IVNS1ABP: variants seen among roughly 807,000 people sequenced by gnomAD.
IVNS1ABP encodes the protein influenza virus NS1A binding protein, also known as influenza virus NS1A-binding protein.
In IVNS1ABP, 25 loss-of-function variants were observed where a neutral mutation model predicts 78.9. The ratio of observed to expected loss-of-function variants is 0.32; its 90% confidence interval spans 0.23 to 0.44. The LOEUF (loss-of-function observed/expected upper bound fraction) is 0.44. Among genes scored for constraint, IVNS1ABP ranks in the 20% least tolerant of loss-of-function variants. The pLI, the probability that IVNS1ABP is intolerant of heterozygous loss-of-function variation, is 1.00. For synonymous variants in IVNS1ABP, 241 were observed against 259.7 expected (o/e 0.93, Z 0.69); for missense variants, 494 against 768.9 (o/e 0.64, Z 4.23).
chr1:185,305,669 T>C lies in IVNS1ABP; in HGVS notation c.658-26A>G. ...CTGCAAAACAGCAACAGAACACCCA[T>C]GTGGCTACGGTCACCATGGCTACTC... is the stretch of plus-strand genomic sequence containing the variant. On this transcript the variant is annotated intron_variant, in intron 7 of 14. Coordinates refer to ENST00000367498, the MANE Select transcript of IVNS1ABP (RefSeq NM_006469.5). The surrounding 1 kb of genome is among the most constrained non-coding windows in gnomAD (Gnocchi z 4.0). The C allele has an allele frequency of 6.2e-7, 1 of 1,612,088 alleles. No homozygotes were observed. Among genetic ancestry groups the C allele is most frequent in the Non-Finnish European group, 8.5e-7 (1 of 1,178,990 alleles).
intron 5 of IVNS1ABP, 95 bp from the exon 6 acceptor site, chr1:185,307,757 A>G (rs1270727419): frequency 2.2e-6 from 3 of 1,337,802 alleles, no homozygotes; most frequent in Non-Finnish European, 2.0e-6. Context: ...GAAGATACAA[A>G]GAATCAAAAA....
At position 185,297,987 on chromosome 1, in the gene IVNS1ABP, C is replaced by A. The variant is rs774410739; in HGVS notation, c.*48G>T. The A allele has an allele frequency of 6.3e-7, 1 of 1,583,780 alleles. No individual in the cohort carries two copies. The highest frequency in any genetic ancestry group is 1.3e-5 in the African/African-American group (1 of 74,190). ...TTATTCACAAGTGTACCTCTACTAACCATAATTACATCACTAAGCCTGTTA... is the reference window on the plus strand; with the variant it reads ...TTATTCACAAGTGTACCTCTACTAAACATAATTACATCACTAAGCCTGTTA... On this transcript the variant is annotated 3_prime_UTR_variant, in exon 15 of 15. Coordinates refer to ENST00000367498, the MANE Select transcript of IVNS1ABP (RefSeq NM_006469.5).
rs1665436343 is a variant in IVNS1ABP at position 185,297,000 on chromosome 1, C to T, written c.*1035G>A. 1 of 152,110 alleles carries T rather than the reference C, an allele frequency of 6.6e-6. No homozygotes were observed. The highest frequency in any genetic ancestry group is 1.5e-5 in the Non-Finnish European group (1 of 68,006). 9.4% of individuals were successfully genotyped at this position (152,110 alleles called of 1,614,324 possible). ...CATAAGTTAGGTGTGTAGCACTACACATTAGACACCAAGTCATCCCAACCA... is the reference window on the plus strand; with the variant it reads ...CATAAGTTAGGTGTGTAGCACTACATATTAGACACCAAGTCATCCCAACCA... On this transcript the variant is annotated 3_prime_UTR_variant, in exon 15 of 15. Coordinates refer to ENST00000367498, the MANE Select transcript of IVNS1ABP (RefSeq NM_006469.5).
At chr1:185,299,559 G>C in intron 14 of IVNS1ABP, 151 bp downstream of exon 14, 1 of 727,040 alleles carries the variant, frequency 1.4e-6, no homozygotes, top group Non-Finnish European at 2.4e-6. Flanking sequence ...ATTTCTAAAG[G>C]ACAAATCACC....
Position 185,297,759 on chromosome 1 carries a change from TTGAAA to T in IVNS1ABP, c.*271_*275del. The T allele has an allele frequency of 4.7e-6, 2 of 425,620 alleles. No individual in the cohort carries two copies. Among genetic ancestry groups the T allele is most frequent in the Non-Finnish European group, 8.4e-6 (2 of 238,752 alleles). 26.4% of individuals were successfully genotyped at this position (425,620 alleles called of 1,614,324 possible). On this transcript the variant is annotated 3_prime_UTR_variant, in exon 15 of 15. Transcript: ENST00000367498. Reference sequence around the variant, plus strand: ...ACAAATGTGGAGGAGAGGGGACTTCTTGAAATGATGTGCCCAATCAATTCTTGGTT... The same window carrying T: ...ACAAATGTGGAGGAGAGGGGACTTCTTGATGTGCCCAATCAATTCTTGGTT...
chr1:185,299,998 C>G lies in IVNS1ABP; in HGVS notation c.1501+1G>C. 6.2e-7 allele frequency: 1 copy of G among 1,605,694 alleles called. No individual in the cohort carries two copies. Among genetic ancestry groups the G allele is most frequent in the Non-Finnish European group, 8.5e-7 (1 of 1,177,636 alleles). On this transcript the variant is annotated splice_donor_variant, in intron 13 of 14. Transcript: ENST00000367498. LOFTEE classifies it high-confidence loss of function. ...AAAAAAAGGAAAAAAAATCAACTTA[C>G]GAATGTTAAGAGGGGCACAGCTTGT...
chr1:185,310,663 C>T (rs1299218158), intron 2 of IVNS1ABP, among the ~76,000 whole-genome samples: 1 of 151,234 alleles, frequency 6.6e-6, no homozygotes, highest in Non-Finnish European at 1.5e-5. Context: ...TTGCTTGAGC[C>T]CAGGAGTTTG....
At chr1:185,306,928 T>C (rs1553273414) in intron 7 of IVNS1ABP, 86 bp downstream of exon 7, 5 of 1,462,288 alleles carry the variant, frequency 3.4e-6, no homozygotes, top group Non-Finnish European at 4.7e-6. Flanking sequence ...GGGTCATGGT[T>C]ATAAAATAAA....
At chr1:185,315,830 T>C (rs1666002294) in intron 1 of IVNS1ABP, among the ~76,000 whole-genome samples, 1 of 152,034 alleles carries the variant, frequency 6.6e-6, no homozygotes, top group Non-Finnish European at 1.5e-5. Context: ...GCTTCCAGAG[T>C]TGTCATCTAT....
chr1:185,300,411 T>C, intron 11 of IVNS1ABP, 26 bp downstream of exon 11: 7 of 1,613,140 alleles, frequency 4.3e-6, no homozygotes, highest in Non-Finnish European at 5.9e-6. Context: ...TAAATAGGGG[T>C]TGCTCCTGCA....
intron 8 of IVNS1ABP, 92 bp from the exon 9 acceptor site, chr1:185,301,655 T>C: frequency 7.2e-7 from 1 of 1,386,140 alleles, no homozygotes; most frequent in Non-Finnish European, 1.0e-6. Flanking sequence ...CTGAGTATCC[T>C]TCACCTATAT....
At chr1:185,314,105 A>G (rs1161442709) in intron 1 of IVNS1ABP, among the ~76,000 whole-genome samples, 4 of 152,196 alleles carry the variant, frequency 2.6e-5, no homozygotes, top group African/African-American at 4.8e-5. Flanking sequence ...CCAAGTAGCC[A>G]TCAGCTGCAT....
rs77209617 is a variant in IVNS1ABP at position 185,305,066 on chromosome 1, A to T, written c.765+470T>A. Among the ~76,000 whole-genome samples, 6,545 of 152,202 alleles carry T rather than the reference A, an allele frequency of 0.043. 449 individuals are homozygous for T. The highest frequency in any genetic ancestry group is 0.15 in the African/African-American group (6,162 of 41,498). ...ATCAGGTTTTAACATATGATCCACC[A>T]CTTTTAGACTTATTACATTGTATAG... On this transcript the variant is annotated intron_variant, in intron 8 of 14. Coordinates refer to ENST00000367498, the MANE Select transcript of IVNS1ABP (RefSeq NM_006469.5). This position sits in a 1 kb window ranked among gnomAD's most constrained non-coding sequence, Gnocchi z 4.0.
rs748836457 is a variant in IVNS1ABP, at chr1:185,300,255, A to G, written c.1331T>C (p.Ile444Thr). 26 of 1,613,264 alleles carry G rather than the reference A, an allele frequency of 1.6e-5. No individual in the cohort carries two copies. In the South Asian group the frequency reaches 2.7e-4, roughly 17 times the overall value. ...EMYDSNIDDW[I>T]PVPELRTNRC... ...GTTAGTTCTCAATTCTGGAACAGGA[A>G]TCCAGTCATCTATGTTTGAATCATA... The change falls in exon 12 of 15, where the codon ATT becomes ACT. Residue 444 changes from isoleucine to threonine, a missense_variant. Transcript: ENST00000367498.
In IVNS1ABP at chr1:185,308,987, C is replaced by T; in HGVS notation, c.281+16G>A. On this transcript the variant is annotated intron_variant, in intron 4 of 14. Transcript: ENST00000367498. ...AGATATTCCCTAATTATATGGTTTA[C>T]TTCAAATGTACTTACTGAGCAGTGT... The T allele has an allele frequency of 6.3e-7, 1 of 1,597,746 alleles. No homozygotes were observed. Among genetic ancestry groups the T allele is most frequent in the Non-Finnish European group, 8.5e-7 (1 of 1,171,416 alleles).
chr1:185,298,133 C>T lies in IVNS1ABP; in HGVS notation c.1831G>A (p.Val611Met). 6.2e-7 allele frequency: 1 copy of T among 1,613,836 alleles called. No homozygotes were observed. The highest frequency in any genetic ancestry group is 8.5e-7 in the Non-Finnish European group (1 of 1,179,816). ...AATTCATTGCCATCGAATCCTCCCA[C>T]TGCATAAATGGTGTTCCCTACAGTT... ...IATVGNTIYAVGGFDGNEFLN... is the reference protein window; with the variant it reads ...IATVGNTIYAMGGFDGNEFLN... The change falls in exon 15 of 15, where the codon GTG (valine) becomes ATG (methionine). Residue 611 changes from valine (V) to methionine (M), a missense_variant. By Grantham distance (21) the Val-to-Met change is conservative. Coordinates refer to ENST00000367498, the MANE Select transcript of IVNS1ABP (RefSeq NM_006469.5). This position sits in a 1 kb window ranked among gnomAD's most constrained non-coding sequence, Gnocchi z 4.1.
chr1:185,316,023 G>A (rs2102826531), intron 1 of IVNS1ABP, among the ~76,000 whole-genome samples: 1 of 152,332 alleles, frequency 6.6e-6, no homozygotes, highest in Middle Eastern at 3.4e-3. Context: ...AGTAAATGTA[G>A]TTCTCAAGTA....
Position 185,298,906 on chromosome 1 carries a change from A to G in IVNS1ABP, c.1676-618T>C, listed in dbSNP as rs988894782. The G allele has an allele frequency of 1.2e-4, 18 of 152,280 alleles. No individual in the cohort carries two copies. The highest frequency in any genetic ancestry group is 4.3e-4 in the African/African-American group (18 of 41,446). 9.4% of individuals were successfully genotyped at this position (152,280 alleles called of 1,614,324 possible). ...GTGAGACCATGTCTCAATTAAAAAA[A>G]TAAAATGATTGTGGTACAGAAATTT... On this transcript the variant is annotated intron_variant, in intron 14 of 14. Coordinates refer to ENST00000367498, the MANE Select transcript of IVNS1ABP (RefSeq NM_006469.5). This position sits in a 1 kb window ranked among gnomAD's most constrained non-coding sequence, Gnocchi z 4.1.
intron 8 of IVNS1ABP, among the ~76,000 whole-genome samples, chr1:185,302,272 AT>A (rs1481981101): frequency 3.9e-5 from 6 of 152,174 alleles, no homozygotes; most frequent in Non-Finnish European, 7.4e-5. Context: ...AAAGCTGCCA[AT>A]TTCCAAATGA....
Sources: allele counts gnomAD v4.1 joint callset (sites outside exome capture counted in the v4.1 genomes callset), GRCh38; gene constraint gnomAD v4.1.1; non-coding constraint Gnocchi (gnomAD v3.1); transcripts MANE v1.5; gene names NCBI Gene and HGNC (gene_info 2026-07-23, HGNC 2026-07-21).